BLTP1: variants seen among roughly 807,000 people sequenced by gnomAD.
BLTP1 encodes the protein fragile site-associated protein.
chr4:122,213,481 T>A, the BLTP1 span, among the ~76,000 whole-genome samples: 13 of 152,106 alleles, frequency 8.5e-5, no homozygotes, highest in Admixed American at 8.5e-4. Flanking sequence ...TCATGTATTT[T>A]CATGTATACA....
At chr4:122,209,192 G>A in the BLTP1 span, 1 of 1,611,752 alleles carries the variant, frequency 6.2e-7, no homozygotes, top group South Asian at 1.1e-5. Context: ...GTTTCTACCA[G>A]ACTGCCACCC....
the BLTP1 span, chr4:122,325,857 G>GA: frequency 3.7e-6 from 4 of 1,079,204 alleles, no homozygotes; most frequent in Non-Finnish European, 4.8e-6. Context: ...TAATTAAGTT[G>GA]AAAAATACAG....
the BLTP1 span, chr4:122,257,546 G>C: frequency 1.9e-6 from 3 of 1,549,824 alleles, no homozygotes; most frequent in Admixed American, 3.5e-5. Context: ...ACAAAACTAG[G>C]GTGTTTTCTT....
chr4:122,155,570 C>T, the BLTP1 span, among the ~76,000 whole-genome samples: 35 of 152,210 alleles, frequency 2.3e-4, no homozygotes, highest in South Asian at 5.2e-3. Flanking sequence ...GTGATCCACC[C>T]GCCTCGGCTT....
At chr4:122,242,909 A>C in the BLTP1 span, 2 of 801,564 alleles carry the variant, frequency 2.5e-6, no homozygotes, top group South Asian at 3.5e-5. Context: ...AAATCATATT[A>C]GGTAATTCAG....
At chr4:122,198,243 C>G in the BLTP1 span, 1 of 981,646 alleles carries the variant, frequency 1.0e-6, no homozygotes, top group African/African-American at 1.7e-5. Context: ...TAGTGAATAA[C>G]TAACCCTTAT....
the BLTP1 span, among the ~76,000 whole-genome samples, chr4:122,156,214 C>A: frequency 6.6e-6 from 1 of 151,976 alleles, no homozygotes; most frequent in African/African-American, 2.4e-5. Flanking sequence ...AGCAGAATAC[C>A]CAGCTTGAGA....
At chr4:122,174,952 C>T in the BLTP1 span, 103 of 707,682 alleles carry the variant, frequency 1.5e-4, no homozygotes, top group South Asian at 9.7e-4. Context: ...AGTAGTCATT[C>T]GTTATATACA....
chr4:122,156,147 G>A, the BLTP1 span: 5 of 167,938 alleles, frequency 3.0e-5, 1 homozygote, highest in Admixed American at 2.0e-4. Context: ...TTAAATCTGA[G>A]GCATCCGTGA....
At chr4:122,353,752 A>G in the BLTP1 span, 3 of 1,531,540 alleles carry the variant, frequency 2.0e-6, no homozygotes, top group Non-Finnish European at 1.8e-6. This position sits in a 1 kb window ranked among gnomAD's most constrained non-coding sequence, Gnocchi z 4.3. Flanking sequence ...TGAGGCCACA[A>G]TTATCATCTT....
chr4:122,190,126 A>T, the BLTP1 span: 1 of 1,597,126 alleles, frequency 6.3e-7, no homozygotes, highest in Non-Finnish European at 8.6e-7. Flanking sequence ...TGACAGAGTG[A>T]GACTCTGTCA....
the BLTP1 span, among the ~76,000 whole-genome samples, chr4:122,317,419 A>C: frequency 1.3e-5 from 2 of 152,034 alleles, no homozygotes; most frequent in Non-Finnish European, 2.9e-5. Context: ...TTTATATCAC[A>C]TATATGTATC....
chr4:122,325,760 A>T, the BLTP1 span: 1 of 792,890 alleles, frequency 1.3e-6, no homozygotes. Flanking sequence ...CATTATATTA[A>T]AATGTTTATT....
chr4:122,326,232 A>T, the BLTP1 span, among the ~76,000 whole-genome samples: 2 of 151,768 alleles, frequency 1.3e-5, no homozygotes, highest in Admixed American at 1.3e-4. Flanking sequence ...TACAAAATGA[A>T]TTTTTTCATA....
the BLTP1 span, among the ~76,000 whole-genome samples, chr4:122,342,427 C>G: frequency 7.0e-4 from 107 of 152,182 alleles, no homozygotes; most frequent in South Asian, 7.3e-3. Context: ...GCCATCTCAG[C>G]TCACTGCAGC....
At chr4:122,286,813 C>T in the BLTP1 span, 2 of 1,587,750 alleles carry the variant, frequency 1.3e-6, no homozygotes, top group South Asian at 1.1e-5. Context: ...TTTTCTTACT[C>T]TTCGTAATTT....
At chr4:122,220,576 G>A in the BLTP1 span, 4 of 927,214 alleles carry the variant, frequency 4.3e-6, no homozygotes, top group Non-Finnish European at 6.4e-6. Context: ...AGCTCTTTAA[G>A]TTGGAGACTT....
At chr4:122,192,153 G>T in the BLTP1 span, 2 of 1,493,174 alleles carry the variant, frequency 1.3e-6, no homozygotes, top group African/African-American at 1.4e-5. Context: ...AAAAAATGTT[G>T]GAGCTACTGA....
the BLTP1 span, chr4:122,174,115 G>A: frequency 1.3e-6 from 1 of 749,270 alleles, no homozygotes; most frequent in African/African-American, 1.9e-5. Context: ...GATGGGGAGA[G>A]ATGACTGGAG....
Sources: allele counts gnomAD v4.1 joint callset (sites outside exome capture counted in the v4.1 genomes callset), GRCh38; gene constraint gnomAD v4.1.1; non-coding constraint Gnocchi (gnomAD v3.1); transcripts MANE v1.5; gene names NCBI Gene and HGNC (gene_info 2026-07-23, HGNC 2026-07-21).